TMEM131: variants seen among roughly 807,000 people sequenced by gnomAD.
TMEM131 encodes 2610524E03Rik.
Under a neutral mutation model 211.6 loss-of-function variants are expected in TMEM131, and 66 were observed. That is an observed-to-expected ratio of 0.31 (90% CI 0.26 to 0.38). TMEM131 has a LOEUF of 0.38. TMEM131 is among the 10% of genes least tolerant of loss of function. The probability of loss-of-function intolerance (pLI) is 1.00; values close to 1 mark genes in which losing one functional copy is unlikely to be tolerated. For missense variants in TMEM131, 2,036 were observed against 2,299.3 expected, an observed-to-expected ratio of 0.89 and a Z score of 2.34; for synonymous variants, 844 against 841.3, an observed-to-expected ratio of 1.00 and a Z score of -0.06.
intron 15 of TMEM131, 133 bp from the exon 16 acceptor site, chr2:97,812,882 T>C: frequency 4.1e-6 from 2 of 482,334 alleles, no homozygotes; most frequent in South Asian, 4.6e-5. Flanking sequence ...TGTGCACCTA[T>C]AATCCCAGCT....
intron 2 of TMEM131, chr2:97,913,149 G>T (rs943649582): frequency 6.6e-6 from 1 of 152,080 alleles, no homozygotes; most frequent in Non-Finnish European, 1.5e-5. Flanking sequence ...AAATCAGGGG[G>T]CCACTAACAT....
chr2:97,759,558 G>T (rs1678704464), intron 39 of TMEM131, 94 bp downstream of exon 39: 2 of 1,089,426 alleles, frequency 1.8e-6, no homozygotes, highest in Non-Finnish European at 2.7e-6. Flanking sequence ...CCACAGTGCT[G>T]CTGTGCTGTG....
intron 5 of TMEM131, among the ~76,000 whole-genome samples, chr2:97,847,363 A>G (rs72942834): frequency 0.025 from 3,798 of 152,288 alleles, 169 homozygotes; most frequent in African/African-American, 0.088. Context: ...AGGTCAACAT[A>G]TAATGATCAA....
chr2:97,948,059 A>G (rs1425624471), intron 1 of TMEM131, among the ~76,000 whole-genome samples: 1 of 152,242 alleles, frequency 6.6e-6, no homozygotes, highest in African/African-American at 2.4e-5. Context: ...GAATTTATGT[A>G]AGAGCTAAAA....
intron 2 of TMEM131, among the ~76,000 whole-genome samples, chr2:97,918,281 G>A (rs192565669): frequency 6.6e-6 from 1 of 152,218 alleles, no homozygotes; most frequent in East Asian, 1.9e-4. Flanking sequence ...CCCCCATCTT[G>A]AGTATTCTCA....
chr2:97,837,100 G>C lies in TMEM131; in HGVS notation c.781C>G (p.Gln261Glu). Residue 261 changes from glutamine to glutamate, a missense_variant, in exon 8 of 41, where the codon CAA becomes GAA. Gln to Glu is a conservative substitution (Grantham distance 29). Around this residue, in one of 3 missense-constraint regions of TMEM131, gnomAD observed 277 missense variants for 378.0 expected, o/e 0.73. Coordinates refer to ENST00000186436, the MANE Select transcript of TMEM131 (RefSeq NM_015348.2). The part of the protein sequence containing the change: ...DLHLELPTGQ[Q>E]GGTRKLWEIP... ...ACCCACAGTTTTCTGGTACCTCCTT[G>C]TTGACCCGTTGGGAGTTCTAGGTGA... 1.2e-6 allele frequency: 2 copies of C among 1,612,302 alleles called. No individual in the cohort carries two copies. Among genetic ancestry groups the C allele is most frequent in the Non-Finnish European group, 1.7e-6 (2 of 1,179,196 alleles).
chr2:97,826,332 A>G (rs1682380508), intron 11 of TMEM131, among the ~76,000 whole-genome samples: 1 of 152,250 alleles, frequency 6.6e-6, no homozygotes, highest in African/African-American at 2.4e-5. Flanking sequence ...ATGCTTATCT[A>G]TTCCTACATG....
chr2:97,831,345 G>C (rs1682675875), intron 11 of TMEM131, among the ~76,000 whole-genome samples: 1 of 152,176 alleles, frequency 6.6e-6, no homozygotes, highest in African/African-American at 2.4e-5. Context: ...TGATGGGGTA[G>C]GGAACCCCAG....
chr2:97,777,276 A>G (rs1679785526), intron 31 of TMEM131, among the ~76,000 whole-genome samples: 1 of 152,252 alleles, frequency 6.6e-6, no homozygotes, highest in African/African-American at 2.4e-5. Context: ...CATAATTTCT[A>G]ATACATCTTT....
intron 1 of TMEM131, among the ~76,000 whole-genome samples, chr2:97,935,828 T>C (rs1677418317): frequency 6.6e-6 from 1 of 152,198 alleles, no homozygotes; most frequent in African/African-American, 2.4e-5. Flanking sequence ...ATCCATGGAA[T>C]GTTAATACAT....
chr2:97,988,993 T>C (rs779331902), intron 1 of TMEM131, among the ~76,000 whole-genome samples: 9 of 152,154 alleles, frequency 5.9e-5, no homozygotes, highest in Non-Finnish European at 8.8e-5. Flanking sequence ...AGCCAAGAGG[T>C]AGGAGCAAGC....
chr2:97,757,928 C>T (rs926558133), intron 40 of TMEM131, among the ~76,000 whole-genome samples: 1 of 152,090 alleles, frequency 6.6e-6, no homozygotes, highest in Non-Finnish European at 1.5e-5. Flanking sequence ...GTCAGGAGAT[C>T]GAGATCATCC....
chr2:97,818,473 C>CGG, intron 12 of TMEM131, 140 bp downstream of exon 12: 1 of 55,522 alleles, frequency 1.8e-5, no homozygotes, highest in African/African-American at 3.5e-4. Flanking sequence ...CGGGGGGGGG[C>CGG]GGGGGGGGAT....
At position 97,761,181 on chromosome 2, in the gene TMEM131, C is replaced by T. The variant is rs116092668; in HGVS notation, c.4890-267G>A. The T allele has an allele frequency of 6.2e-3, 2,198 of 354,180 alleles. 46 individuals are homozygous for T. The highest frequency in any genetic ancestry group is 0.041 in the African/African-American group (1,990 of 48,926). 21.9% of individuals were successfully genotyped at this position (354,180 alleles called of 1,614,324 possible). ...ATCACAATTTAGGGACTGGCAGAGG[C>T]TTCGATCACACTTTTGTGAAGAATG... On this transcript the variant is annotated intron_variant, in intron 36 of 40. Coordinates refer to ENST00000186436, the MANE Select transcript of TMEM131 (RefSeq NM_015348.2).
Position 97,841,866 on chromosome 2 carries a change from G to A in TMEM131, c.672C>T (p.Ser224=). Residue 224 remains serine, a synonymous_variant, in exon 7 of 41, where the codon AGC becomes AGT. Transcript: ENST00000186436. Reference sequence around the variant, plus strand: ...GGATGTTTATTATAGGTGAGAAACTGCTATTCACAGGGACTCTGGCCCCAA... The same window carrying A: ...GGATGTTTATTATAGGTGAGAAACTACTATTCACAGGGACTCTGGCCCCAA... ...PFLGARVPVN[S]SFSPIINIHN... The A allele has an allele frequency of 6.3e-7, 1 of 1,597,946 alleles. No individual in the cohort carries two copies. The highest frequency in any genetic ancestry group is 8.5e-7 in the Non-Finnish European group (1 of 1,171,256).
intron 1 of TMEM131, among the ~76,000 whole-genome samples, chr2:97,939,632 T>C (rs1573586489): frequency 6.6e-6 from 1 of 152,142 alleles, no homozygotes; most frequent in African/African-American, 2.4e-5. Flanking sequence ...CTGAAACTAT[T>C]GCAATCAACA....
intron 2 of TMEM131, among the ~76,000 whole-genome samples, chr2:97,924,978 C>T (rs1438263889): frequency 6.6e-6 from 1 of 152,186 alleles, no homozygotes; most frequent in Non-Finnish European, 1.5e-5. Context: ...CTCCCAGGCT[C>T]AAGCGATCCT....
chr2:97,854,745 A>G (rs1033582129), intron 5 of TMEM131, among the ~76,000 whole-genome samples: 1 of 152,068 alleles, frequency 6.6e-6, no homozygotes, highest in Non-Finnish European at 1.5e-5. Flanking sequence ...TTTGCACAAC[A>G]GGCCTGCTTT....
chr2:97,890,177 C>T (rs923923420), intron 3 of TMEM131, among the ~76,000 whole-genome samples: 1 of 152,168 alleles, frequency 6.6e-6, no homozygotes, highest in East Asian at 1.9e-4. Flanking sequence ...TAACAAACTA[C>T]AGTGTTTTTG....
Sources: allele counts gnomAD v4.1 joint callset (sites outside exome capture counted in the v4.1 genomes callset), GRCh38; gene constraint gnomAD v4.1.1; regional missense constraint gnomAD v4.1.1; transcripts MANE v1.5; gene names NCBI Gene and HGNC (gene_info 2026-07-23, HGNC 2026-07-21).